The following PRKDC variants were observed in gnomAD, a reference collection of about 807,000 sequenced individuals.
PRKDC encodes the protein protein kinase, DNA-activated, catalytic subunit, also known as DNA-dependent protein kinase catalytic subunit.
Under a neutral mutation model 486.9 loss-of-function variants are expected in PRKDC, and 82 were observed. That is an observed-to-expected ratio of 0.17 (90% CI 0.14 to 0.20). PRKDC has a LOEUF of 0.20. PRKDC is among the 10% of genes least tolerant of loss of function. The pLI, the probability that PRKDC is intolerant of heterozygous loss-of-function variation, is 1.00. For missense variants in PRKDC, 4,504 were observed against 5,038.2 expected, an observed-to-expected ratio of 0.89 and a Z score of 3.21; for synonymous variants, 1,895 against 1,837.0, an observed-to-expected ratio of 1.03 and a Z score of -0.81.
chr8:47,957,872 T>C (rs1329446330), intron 1 of PRKDC, among the ~76,000 whole-genome samples: 3 of 152,198 alleles, frequency 2.0e-5, no homozygotes, highest in Non-Finnish European at 4.4e-5. Context: ...CCAAGGTTGC[T>C]GTATTAAAAC....
intron 66 of PRKDC, 84 bp from the exon 67 acceptor site, chr8:47,819,594 T>G: frequency 1.6e-6 from 1 of 613,122 alleles, no homozygotes; most frequent in Non-Finnish European, 2.6e-6. Flanking sequence ...TTTTTAACAG[T>G]ACTCTAAATT....
At chr8:47,860,209 A>T (rs984663421) in intron 45 of PRKDC, among the ~76,000 whole-genome samples, 3 of 152,234 alleles carry the variant, frequency 2.0e-5, no homozygotes, top group Middle Eastern at 3.2e-3. Context: ...TTAAGCAAAA[A>T]ACAAAAACAA....
At chr8:47,790,346 G>A (rs1385652063) in intron 74 of PRKDC, among the ~76,000 whole-genome samples, 1 of 152,054 alleles carries the variant, frequency 6.6e-6, no homozygotes, top group Non-Finnish European at 1.5e-5. Context: ...AATAAACTTC[G>A]CCAAAGAAAT....
Position 47,954,422 on chromosome 8 carries a change from T to C in PRKDC, c.424A>G (p.Arg142Gly). The C allele has an allele frequency of 7.4e-7, 1 of 1,357,818 alleles. No individual in the cohort carries two copies. Among genetic ancestry groups the C allele is most frequent in the Non-Finnish European group, 1.0e-6 (1 of 1,002,264 alleles). 84.1% of individuals were successfully genotyped at this position (1,357,818 alleles called of 1,614,324 possible). Residue 142 changes from arginine (R) to glycine (G), a missense_variant, in exon 5 of 86, where the codon AGA becomes GGA. This residue lies in a region of PRKDC where 1,969 missense variants were observed against 2,068.9 expected (regional missense o/e 0.95). Coordinates refer to ENST00000314191, the MANE Select transcript of PRKDC (RefSeq NM_006904.7). ...IKLLQTFRSSRLMDEFKIGEL... is the reference protein window; with the variant it reads ...IKLLQTFRSSGLMDEFKIGEL... Reference sequence around the variant, plus strand: ...CCAATTTTAAATTCATCCATGAGTCTAGAACTTCTAAAAGTCTGAAGTAAC... The same window carrying C: ...CCAATTTTAAATTCATCCATGAGTCCAGAACTTCTAAAAGTCTGAAGTAAC...
chr8:47,870,128 A>T (rs1003009497), intron 40 of PRKDC, among the ~76,000 whole-genome samples: 2 of 152,104 alleles, frequency 1.3e-5, no homozygotes, highest in African/African-American at 4.8e-5. Context: ...GAAGGAAAGA[A>T]CACAAGACTG....
intron 68 of PRKDC, among the ~76,000 whole-genome samples, chr8:47,807,906 G>A (rs1395862192): frequency 6.6e-6 from 1 of 152,044 alleles, no homozygotes; most frequent in East Asian, 1.9e-4. Flanking sequence ...AGTAGAGACG[G>A]GGTTTCACCA....
At position 47,773,931 on chromosome 8, in the gene PRKDC, C is replaced by G; in HGVS notation, c.*242G>C. ...TTCTTGACTTAATACTTTGGTAAGC[C>G]TGGATATCTATCTTTCTATAAACCT... is the stretch of plus-strand genomic sequence containing the variant. On this transcript the variant is annotated 3_prime_UTR_variant, in exon 86 of 86. Coordinates refer to ENST00000314191, the MANE Select transcript of PRKDC (RefSeq NM_006904.7). The G allele has an allele frequency of 4.7e-6, 2 of 426,818 alleles. No individual in the cohort carries two copies. The highest frequency in any genetic ancestry group is 8.3e-6 in the Non-Finnish European group (2 of 241,190). The allele number at this position is 426,818 out of a possible 1,614,324, so 26.4% of individuals were successfully genotyped here. A position where few individuals can be genotyped will look rare whatever the true frequency, so the allele number is the denominator to read the frequency against.
At chr8:47,894,153 C>T (rs529646812) in intron 30 of PRKDC, among the ~76,000 whole-genome samples, 24 of 151,902 alleles carry the variant, frequency 1.6e-4, no homozygotes, top group Non-Finnish European at 2.2e-4. Flanking sequence ...TGGTGGTGCG[C>T]GCCTGTGGTC....
At chr8:47,841,186 A>T (rs1040930129) in intron 54 of PRKDC, among the ~76,000 whole-genome samples, 1 of 152,210 alleles carries the variant, frequency 6.6e-6, no homozygotes, top group African/African-American at 2.4e-5. Context: ...TTGAATTGGT[A>T]GGGAACTGTC....
chr8:47,920,258 C>T (rs147789883), intron 21 of PRKDC, among the ~76,000 whole-genome samples: 137 of 152,310 alleles, frequency 9.0e-4, no homozygotes, highest in Non-Finnish European at 1.7e-3. Context: ...ATTCCTCTAG[C>T]GCTCCTGGGT....
chr8:47,782,024 T>G lies in PRKDC; in HGVS notation c.11489+138A>C. The G allele has an allele frequency of 6.2e-6, 4 of 647,228 alleles. No individual in the cohort carries two copies. The highest frequency in any genetic ancestry group is 1.1e-5 in the Non-Finnish European group (4 of 369,980). 40.1% of individuals were successfully genotyped at this position (647,228 alleles called of 1,614,324 possible). A position where few individuals can be genotyped will look rare whatever the true frequency, so the allele number is the denominator to read the frequency against. On this transcript the variant is annotated intron_variant, in intron 80 of 85. Transcript: ENST00000314191. This position sits in a 1 kb window ranked among gnomAD's most constrained non-coding sequence, Gnocchi z 4.9. ...CTACTGGTTAGCAGCCAGCACTCCA[T>G]TTGGTTTATTGACCCAGCCAGCAGA...
rs1045214123 is a variant in PRKDC at position 47,773,806 on chromosome 8, G to A, written c.*367C>T. 5 of 247,178 alleles carry A rather than the reference G, an allele frequency of 2.0e-5. No homozygotes were observed. In the East Asian group the frequency reaches 2.3e-4, roughly 12 times the overall value. The allele number at this position is 247,178 out of a possible 1,614,324, so 15.3% of individuals were successfully genotyped here. ...CTTTCCAATGTGCCAGAACCAGAAG[G>A]GCATTCCAAGGCTTCCCCACATTTC... On this transcript the variant is annotated 3_prime_UTR_variant, in exon 86 of 86. Coordinates refer to ENST00000314191, the MANE Select transcript of PRKDC (RefSeq NM_006904.7).
At chr8:47,956,977 C>CAAAAAAAAAAAA (rs2090713226) in intron 3 of PRKDC, among the ~76,000 whole-genome samples, 194 bp downstream of exon 3, 1 of 11,450 alleles carries the variant, frequency 8.7e-5, no homozygotes, top group Non-Finnish European at 2.1e-4. Flanking sequence ...AACTCCTTCT[C>CAAAAAAAAAAAA]CAAAAAAAAA....
At chr8:47,824,017 G>C (rs1339514900) in intron 63 of PRKDC, 21 bp from the exon 64 acceptor site, 1 of 1,549,438 alleles carries the variant, frequency 6.5e-7, no homozygotes, top group Admixed American at 1.9e-5. Flanking sequence ...AATCAAAAAG[G>C]CCAAATCAAT....
chr8:47,935,663 CTT>C, intron 13 of PRKDC, 67 bp downstream of exon 13: 1 of 1,514,964 alleles, frequency 6.6e-7, no homozygotes, highest in Non-Finnish European at 8.9e-7. Context: ...ACCAGATTCT[CTT>C]TACCTATATC....
intron 71 of PRKDC, among the ~76,000 whole-genome samples, chr8:47,800,160 T>C (rs971353950): frequency 2.0e-5 from 3 of 152,030 alleles, no homozygotes; most frequent in African/African-American, 7.2e-5. Flanking sequence ...CATGCACACG[T>C]ATGTTTATTG....
chr8:47,924,558 T>C (rs1396991394), intron 21 of PRKDC, among the ~76,000 whole-genome samples: 1 of 151,518 alleles, frequency 6.6e-6, no homozygotes, highest in African/African-American at 2.4e-5. Context: ...AGACTCTGTC[T>C]CAAAATAATA....
intron 80 of PRKDC, among the ~76,000 whole-genome samples, chr8:47,779,954 G>A (rs1313431207): frequency 2.6e-5 from 3 of 116,712 alleles, no homozygotes; most frequent in Non-Finnish European, 3.5e-5. Context: ...TTACTCTGTC[G>A]CCCAGGCTGG....
chr8:47,788,085 A>G (rs2086820062), intron 76 of PRKDC, among the ~76,000 whole-genome samples: 1 of 152,234 alleles, frequency 6.6e-6, no homozygotes, highest in Non-Finnish European at 1.5e-5. Flanking sequence ...GGTTTAATGA[A>G]TAAAAGTAAT....
Sources: gnomAD v4.1 joint callset for allele counts (sites outside exome capture counted in the v4.1 genomes callset) on GRCh38, gnomAD v4.1.1 for gene constraint, gnomAD v4.1.1 regional missense constraint, Gnocchi (gnomAD v3.1) non-coding constraint, MANE v1.5 for transcripts, NCBI Gene and HGNC (gene_info 2026-07-23, HGNC 2026-07-21) for gene names.